FNBP1: variants seen among roughly 807,000 people sequenced by gnomAD.
FNBP1 encodes the protein formin binding protein 1.
Under a neutral mutation model 90.6 loss-of-function variants are expected in FNBP1, and 26 were observed. The observed-to-expected ratio is 0.29, with a 90% confidence interval of 0.21 to 0.40. The LOEUF (loss-of-function observed/expected upper bound fraction) is 0.40. Ranked by LOEUF, FNBP1 falls within the 10% of genes least tolerant of loss-of-function variation. FNBP1 has a pLI of 1.00. For synonymous variants in FNBP1, 260 were observed against 265.2 expected (o/e 0.98, Z 0.19); for missense variants, 635 against 768.0 (o/e 0.83, Z 2.05).
At chr9:130,016,107 T>C (rs529227360) in intron 1 of FNBP1, among the ~76,000 whole-genome samples, 1 of 152,364 alleles carries the variant, frequency 6.6e-6, no homozygotes, top group Admixed American at 6.5e-5. Flanking sequence ...TGTCTTATTT[T>C]GAATAAATGT....
intron 6 of FNBP1, among the ~76,000 whole-genome samples, chr9:129,943,629 TG>T (rs1016970220): frequency 6.6e-5 from 10 of 152,038 alleles, no homozygotes; most frequent in Non-Finnish European, 1.3e-4. Flanking sequence ...TCAAATGATC[TG>T]CCCACCTTGG....
In FNBP1 at chr9:130,003,604, C is replaced by T. The variant is rs974805531; in HGVS notation, c.25-8646G>A. 6.0e-5 allele frequency among the ~76,000 whole-genome samples: 9 copies of T among 150,980 alleles called. No homozygotes were observed. The East Asian group carries it at 1.8e-3, about 29-fold the overall frequency. On this transcript the variant is annotated intron_variant, in intron 1 of 16. Coordinates refer to ENST00000446176, the MANE Select transcript of FNBP1 (RefSeq NM_015033.3). ...CCTGGGCAACAGAGCGAGACTCTGT[C>T]TCAAAAAACAAACAAAAACTAACAA...
chr9:129,979,082 C>G (rs2130902872), intron 3 of FNBP1, among the ~76,000 whole-genome samples: 1 of 152,292 alleles, frequency 6.6e-6, no homozygotes, highest in South Asian at 2.1e-4. Flanking sequence ...CCTGTTTTTG[C>G]TTAATTACAT....
chr9:129,948,356 CTTTTTTTTTTTTTTT>C (rs71385491), intron 6 of FNBP1, among the ~76,000 whole-genome samples: 1 of 64,480 alleles, frequency 1.6e-5, no homozygotes, highest in Non-Finnish European at 2.6e-5. Flanking sequence ...ATTTTGGTGT[CTTTTTTTTTTTTTTT>C]TTTTTTTTTT....
At chr9:130,029,839 C>A (rs372538827) in intron 1 of FNBP1, among the ~76,000 whole-genome samples, 88 of 151,748 alleles carry the variant, frequency 5.8e-4, no homozygotes, top group Admixed American at 2.1e-3. Flanking sequence ...CAAAAATCAG[C>A]CTGGTGTGGT....
At chr9:129,892,854 C>T (rs991173237) in intron 16 of FNBP1, among the ~76,000 whole-genome samples, 1 of 152,156 alleles carries the variant, frequency 6.6e-6, no homozygotes, top group Admixed American at 6.5e-5. Flanking sequence ...AATGATCGTA[C>T]ATTTAAAATT....
Position 129,927,269 on chromosome 9 carries a change from G to T in FNBP1, c.715C>A (p.Arg239=), listed in dbSNP as rs745873678. 7 of 1,613,196 alleles carry T rather than the reference G, an allele frequency of 4.3e-6. No homozygotes were observed. In the South Asian group the frequency reaches 5.5e-5, roughly 13 times the overall value. ...ESMKTYAEVD[R]QVIPIIGKCL... ...TTCCCAATGATTGGGATCACCTGCC[G>T]ATCAACCTCTGCATATGTCTTCATG... Residue 239 remains arginine (R), a synonymous_variant, in exon 8 of 17, where the codon CGG becomes AGG. Coordinates refer to ENST00000446176, the MANE Select transcript of FNBP1 (RefSeq NM_015033.3).
rs577568727 is a variant in FNBP1, at chr9:129,943,624, T to G, written c.513+13736A>C. 1.4e-4 allele frequency among the ~76,000 whole-genome samples: 22 copies of G among 152,220 alleles called. 1 individual carries two copies. The highest frequency in any genetic ancestry group is 1.4e-3 in the Admixed American group (21 of 15,292). ...CTGGTCTCGAACTCCTGACCTCAAA[T>G]GATCTGCCCACCTTGGCAGCCTAAA... On this transcript the variant is annotated intron_variant, in intron 6 of 16. Coordinates refer to ENST00000446176, the MANE Select transcript of FNBP1 (RefSeq NM_015033.3).
At chr9:129,987,634 G>A (rs1244648719) in intron 2 of FNBP1, among the ~76,000 whole-genome samples, 5 of 151,896 alleles carry the variant, frequency 3.3e-5, no homozygotes. Context: ...TCTGCCTCCT[G>A]AGTAGCTGGG....
Position 130,031,999 on chromosome 9 carries a change from T to G in FNBP1, c.24+10953A>C, listed in dbSNP as rs772833266. On this transcript the variant is annotated intron_variant, in intron 1 of 16. Coordinates refer to ENST00000446176, the MANE Select transcript of FNBP1 (RefSeq NM_015033.3). The surrounding 1 kb of genome is among the most constrained non-coding windows in gnomAD (Gnocchi z 4.2). ...TACAATTTTGTTTGGTTTCCTTTTA[T>G]GTACAAAGTTATAAACACTGAGCAC... Among the ~76,000 whole-genome samples, 3 of 152,008 alleles carry G rather than the reference T, an allele frequency of 2.0e-5. No homozygotes were observed. The highest frequency in any genetic ancestry group is 7.3e-5 in the African/African-American group (3 of 41,370).
intron 16 of FNBP1, among the ~76,000 whole-genome samples, chr9:129,893,301 A>G (rs557160916): frequency 1.4e-4 from 21 of 152,098 alleles, no homozygotes; most frequent in Non-Finnish European, 2.8e-4. Flanking sequence ...TATGCCAGCA[A>G]AAGTATCCAA....
chr9:129,923,870 G>T lies in FNBP1; in HGVS notation c.1144C>A (p.His382Asn). The T allele has an allele frequency of 6.2e-7, 1 of 1,602,128 alleles. No individual in the cohort carries two copies. The highest frequency in any genetic ancestry group is 8.5e-7 in the Non-Finnish European group (1 of 1,175,230). Residue 382 changes from histidine to asparagine, a missense_variant, in exon 10 of 17, where the codon CAC becomes AAC. Transcript: ENST00000446176. Reference sequence around the variant, plus strand: ...CCACGCTTTAGGCTCCTGAAGCAGTGGATTTTGGGTTTGGAGGTCATGAAC... The same window carrying T: ...CCACGCTTTAGGCTCCTGAAGCAGTTGATTTTGGGTTTGGAGGTCATGAAC... ...NEFMTSKPKIHCFRSLKRGLS... is the reference protein window; with the variant it reads ...NEFMTSKPKINCFRSLKRGLS...
At chr9:129,906,495 A>G (rs541190002) in intron 12 of FNBP1, among the ~76,000 whole-genome samples, 34 of 152,240 alleles carry the variant, frequency 2.2e-4, no homozygotes, top group Middle Eastern at 3.4e-3. Context: ...ATGAGCTCCA[A>G]TGGTTTTATA....
chr9:130,004,216 T>C (rs898749776), intron 1 of FNBP1, among the ~76,000 whole-genome samples: 9 of 151,426 alleles, frequency 5.9e-5, no homozygotes, highest in South Asian at 4.2e-4. Flanking sequence ...TGAGCCAAGA[T>C]CGCGCCACTG....
chr9:130,039,911 C>T (rs2059672784), intron 1 of FNBP1, among the ~76,000 whole-genome samples: 1 of 152,186 alleles, frequency 6.6e-6, no homozygotes, highest in East Asian at 1.9e-4. Context: ...TCCCTGAAAG[C>T]TGCAACCACC....
At chr9:129,942,845 C>CTT (rs58614417) in intron 6 of FNBP1, among the ~76,000 whole-genome samples, 4 of 53,788 alleles carry the variant, frequency 7.4e-5, no homozygotes, top group Non-Finnish European at 8.6e-5. Context: ...TTTTTTCTTT[C>CTT]TTTTTTTTTT....
At chr9:129,919,422 C>T (rs576266472) in intron 10 of FNBP1, among the ~76,000 whole-genome samples, 1 of 152,306 alleles carries the variant, frequency 6.6e-6, no homozygotes, top group South Asian at 2.1e-4. Flanking sequence ...ATAAAAGTCT[C>T]TTGCACAGGC....
At chr9:129,940,819 G>A (rs1396628526) in intron 6 of FNBP1, among the ~76,000 whole-genome samples, 4 of 151,816 alleles carry the variant, frequency 2.6e-5, no homozygotes, top group African/African-American at 7.3e-5. Flanking sequence ...TAGAGACGGG[G>A]TTTCACCATG....
chr9:129,963,156 A>G (rs780991345), intron 4 of FNBP1, among the ~76,000 whole-genome samples: 2 of 152,190 alleles, frequency 1.3e-5, no homozygotes, highest in Non-Finnish European at 2.9e-5. Flanking sequence ...TTGACGATCT[A>G]TCTCTCCAGC....
Sources: allele counts gnomAD v4.1 joint callset (sites outside exome capture counted in the v4.1 genomes callset), GRCh38; gene constraint gnomAD v4.1.1; non-coding constraint Gnocchi (gnomAD v3.1); transcripts MANE v1.5; gene names NCBI Gene and HGNC (gene_info 2026-07-23, HGNC 2026-07-21).